THSD4: variants seen among roughly 807,000 people sequenced by gnomAD.
THSD4 encodes the protein thrombospondin type 1 domain containing 4, also known as thrombospondin type-1 domain-containing protein 4.
Under a neutral mutation model 119.0 loss-of-function variants are expected in THSD4, and 69 were observed. That is an observed-to-expected ratio of 0.58 (90% CI 0.48 to 0.71). The LOEUF (loss-of-function observed/expected upper bound fraction) is 0.71. Among genes scored for constraint, THSD4 ranks in the 30% least tolerant of loss-of-function variants. THSD4 has a pLI of 0.00. For synonymous variants in THSD4, 524 were observed against 540.4 expected (o/e 0.97, Z 0.42); for missense variants, 1,393 against 1,391.1 (o/e 1.00, Z -0.02).
At chr15:71,494,768 A>G (rs185856608) in intron 7 of THSD4, among the ~76,000 whole-genome samples, 7 of 152,328 alleles carry the variant, frequency 4.6e-5, no homozygotes, top group Non-Finnish European at 1.0e-4. Flanking sequence ...TGCTAGTGAA[A>G]TTTCACAGCT....
chr15:71,398,836 G>C (rs1433853168), intron 6 of THSD4, among the ~76,000 whole-genome samples: 1 of 152,078 alleles, frequency 6.6e-6, no homozygotes, highest in Non-Finnish European at 1.5e-5. Context: ...AGGGGATTGG[G>C]TAGGAGACAG....
chr15:71,218,340 G>C (rs962155446), intron 4 of THSD4, among the ~76,000 whole-genome samples: 1 of 152,182 alleles, frequency 6.6e-6, no homozygotes, highest in South Asian at 2.1e-4. Context: ...AGGGATGGAG[G>C]GCTGGATTTG....
chr15:71,186,541 C>G (rs2043605397), intron 3 of THSD4: 1 of 152,320 alleles, frequency 6.6e-6, no homozygotes, highest in Non-Finnish European at 1.5e-5. Flanking sequence ...AGCTCAACAG[C>G]TGGGCGTCTC....
intron 1 of THSD4, among the ~76,000 whole-genome samples, chr15:71,140,275 G>A (rs558255889): frequency 2.0e-5 from 3 of 152,306 alleles, no homozygotes; most frequent in African/African-American, 7.2e-5. Flanking sequence ...TTCTGGTGAG[G>A]ACCTCAGGAA....
intron 8 of THSD4, among the ~76,000 whole-genome samples, chr15:71,669,438 A>T (rs1316414480): frequency 2.0e-5 from 3 of 152,118 alleles, no homozygotes; most frequent in Non-Finnish European, 4.4e-5. Flanking sequence ...ATTATACTTT[A>T]AGTCCTGGGG....
chr15:71,538,131 A>G (rs979618809), intron 7 of THSD4, among the ~76,000 whole-genome samples: 2 of 152,138 alleles, frequency 1.3e-5, no homozygotes, highest in Admixed American at 6.5e-5. Context: ...AAATATATAA[A>G]TATTTTCTTT....
In THSD4 at chr15:71,421,319, T is replaced by TAATGGA. The variant is rs1197823431; in HGVS notation, c.1152+9496_1152+9497insAATGGA. Among the ~76,000 whole-genome samples, 55 of 39,716 alleles carry TAATGGA rather than the reference T, an allele frequency of 1.4e-3. 1 individual carries two copies. The Admixed American group carries it at 0.02, about 14-fold the overall frequency. The allele number at this position is 39,716 out of a possible 152,430, so 26.1% of individuals were successfully genotyped here. ...AACATCATTTTCTTTCTAGTCTCTT[T>TAATGGA]CTACTCCCTTTAGTATTTCTTGTAG... On this transcript the variant is annotated intron_variant, in intron 7 of 17. Transcript: ENST00000261862.
chr15:71,377,050 CACTGATTGTGGGAAG>C (rs2046146856), intron 6 of THSD4, among the ~76,000 whole-genome samples: 1 of 152,076 alleles, frequency 6.6e-6, no homozygotes, highest in South Asian at 2.1e-4. Flanking sequence ...CCTGATGTGG[CACTGATTGTGGGAAG>C]AGGAAAGAAA....
At chr15:71,665,772 G>C (rs548190089) in intron 8 of THSD4, among the ~76,000 whole-genome samples, 1 of 152,260 alleles carries the variant, frequency 6.6e-6, no homozygotes, top group South Asian at 2.1e-4. Flanking sequence ...CCAATTGCTT[G>C]TTTTTGTCAG....
chr15:71,698,512 T>C (rs189913929), intron 8 of THSD4, among the ~76,000 whole-genome samples: 147 of 151,908 alleles, frequency 9.7e-4, no homozygotes, highest in Non-Finnish European at 1.6e-3. Context: ...GAGATCCTGA[T>C]TTCAATTGAG....
intron 7 of THSD4, among the ~76,000 whole-genome samples, chr15:71,477,385 G>A (rs1386690084): frequency 2.0e-5 from 3 of 152,164 alleles, no homozygotes; most frequent in African/African-American, 7.2e-5. Context: ...TAGAGGAAGT[G>A]GATGTGCTGC....
intron 6 of THSD4, among the ~76,000 whole-genome samples, chr15:71,290,491 T>G (rs142836999): frequency 2.0e-3 from 305 of 152,352 alleles, no homozygotes; most frequent in African/African-American, 7.1e-3. Flanking sequence ...ATCAACGGAT[T>G]GCTTGCATTG....
At position 71,750,340 on chromosome 15, in the gene THSD4, C is replaced by G. The variant is rs139990046; in HGVS notation, c.2415+1746C>G. Among the ~76,000 whole-genome samples, 179 of 152,328 alleles carry G rather than the reference C, an allele frequency of 1.2e-3. 1 individual carries two copies. The highest frequency in any genetic ancestry group is 3.4e-3 in the Middle Eastern group (1 of 294). ...TTCTGACCGGTCAATGGCCACCATG[C>G]ACCTGTTATTGAGTATTTTGAATAT... On this transcript the variant is annotated intron_variant, in intron 14 of 17. Coordinates refer to ENST00000261862, the MANE Select transcript of THSD4 (RefSeq NM_024817.3).
intron 7 of THSD4, chr15:71,547,559 A>T: frequency 6.6e-7 from 1 of 1,507,424 alleles, no homozygotes; most frequent in Non-Finnish European, 8.9e-7. Flanking sequence ...ACCAAGAGGG[A>T]TCAGGGAATG....
intron 7 of THSD4, among the ~76,000 whole-genome samples, chr15:71,604,170 T>C (rs2140898388): frequency 6.6e-6 from 1 of 152,162 alleles, no homozygotes; most frequent in East Asian, 1.9e-4. Flanking sequence ...TTTGGGGTGG[T>C]GACATGAAGA....
At chr15:71,166,342 G>A (rs1327115485) in intron 3 of THSD4, among the ~76,000 whole-genome samples, 2 of 152,120 alleles carry the variant, frequency 1.3e-5, no homozygotes, top group Non-Finnish European at 2.9e-5. Flanking sequence ...TCCAGCAATG[G>A]GTCAAGTTTC....
At chr15:71,206,349 C>G (rs78243134) in intron 3 of THSD4, among the ~76,000 whole-genome samples, 5,656 of 152,196 alleles carry the variant, frequency 0.037, 380 homozygotes, top group African/African-American at 0.13. Flanking sequence ...CCCACCTCCC[C>G]GAGCTCCTGC....
At chr15:71,734,058 C>T (rs2053035324) in intron 10 of THSD4, 1 of 152,142 alleles carries the variant, frequency 6.6e-6, no homozygotes, top group South Asian at 2.1e-4. Context: ...ATCCTCCTGC[C>T]TCAGCCTCCC....
intron 7 of THSD4, among the ~76,000 whole-genome samples, chr15:71,445,638 T>C (rs2047170841): frequency 6.6e-6 from 1 of 152,240 alleles, no homozygotes; most frequent in Non-Finnish European, 1.5e-5. Flanking sequence ...GGTTCTCTGT[T>C]TTCTCAGATG....
Sources: gnomAD v4.1 joint callset for allele counts (sites outside exome capture counted in the v4.1 genomes callset) on GRCh38, gnomAD v4.1.1 for gene constraint, MANE v1.5 for transcripts, NCBI Gene and HGNC (gene_info 2026-07-23, HGNC 2026-07-21) for gene names.